The following RNF38 variants were observed in gnomAD, a reference collection of about 807,000 sequenced individuals.
RNF38 encodes ring finger protein 38, also known as E3 ubiquitin-protein ligase RNF38.
RNF38 carries 15 observed loss-of-function variants against 67.2 expected under a neutral mutation model. The observed-to-expected ratio is 0.22, with a 90% CI of 0.15 to 0.34. The LOEUF (loss-of-function observed/expected upper bound fraction) is 0.34. Among genes scored for constraint, RNF38 ranks in the 10% least tolerant of loss-of-function variants. The probability of loss-of-function intolerance (pLI) is 1.00; values close to 1 mark genes in which losing one functional copy is unlikely to be tolerated. For missense variants in RNF38, 524 were observed against 639.9 expected (o/e 0.82, Z 1.95); for synonymous variants, 220 against 218.8 (o/e 1.01, Z -0.05).
At chr9:36,400,884 GC>G (rs1432002944), upstream of RNF38, 2 of 984,128 alleles carry the variant, frequency 2.0e-6, no homozygotes, top group African/African-American at 3.5e-5. Context: ...TAGGGGCCCG[GC>G]CCGGCCACGC....
chr9:36,442,639 G>A (rs1839218237), intron 1 of RNF38, among the ~76,000 whole-genome samples: 1 of 152,144 alleles, frequency 6.6e-6, no homozygotes, highest in Admixed American at 6.6e-5. Flanking sequence ...AATTAGCCGG[G>A]TGTGGTGGCA....
chr9:36,356,165 A>G (rs1834090620), intron 6 of RNF38, 138 bp downstream of exon 6: 2 of 819,944 alleles, frequency 2.4e-6, no homozygotes, highest in Admixed American at 2.4e-5. Flanking sequence ...ATGTTTAAGC[A>G]TGCCATTTAA....
At chr9:36,425,584 A>G (rs543804086) in intron 1 of RNF38, among the ~76,000 whole-genome samples, 1 of 152,100 alleles carries the variant, frequency 6.6e-6, no homozygotes, top group Admixed American at 6.6e-5. Context: ...ATCCCAGCTA[A>G]TAGGGAGGCT....
intron 1 of RNF38, among the ~76,000 whole-genome samples, chr9:36,454,408 C>A (rs1390326362): frequency 2.0e-5 from 3 of 151,992 alleles, no homozygotes; most frequent in Non-Finnish European, 4.4e-5. Flanking sequence ...GGGTTACAGG[C>A]ATGAACCACC....
chr9:36,350,442 A>G (rs1393169476), intron 9 of RNF38, among the ~76,000 whole-genome samples: 2 of 152,246 alleles, frequency 1.3e-5, no homozygotes, highest in African/African-American at 2.4e-5. Flanking sequence ...TGTAGCAAGC[A>G]CTGAAGGACA....
chr9:36,430,331 G>A (rs9407043), intron 1 of RNF38, among the ~76,000 whole-genome samples: 3 of 151,904 alleles, frequency 2.0e-5, no homozygotes, highest in Non-Finnish European at 4.4e-5. Flanking sequence ...CTCAGACTCC[G>A]GAGTAGCTGG....
intron 4 of RNF38, among the ~76,000 whole-genome samples, chr9:36,369,180 TAAATC>T (rs1835187434): frequency 6.6e-6 from 1 of 152,226 alleles, no homozygotes; most frequent in East Asian, 1.9e-4. Context: ...CTACTAATCT[TAAATC>T]AATAATTTCA....
At chr9:36,449,002 T>TA (rs1248808806) in intron 1 of RNF38, among the ~76,000 whole-genome samples, 1 of 151,404 alleles carries the variant, frequency 6.6e-6, no homozygotes, top group Admixed American at 6.6e-5. Flanking sequence ...TCAAAAAAAT[T>TA]AAAAAAGAAA....
intron 4 of RNF38, among the ~76,000 whole-genome samples, chr9:36,361,975 C>T (rs559304388): frequency 6.6e-6 from 1 of 152,306 alleles, no homozygotes; most frequent in East Asian, 1.9e-4. Flanking sequence ...TACTGCTTGG[C>T]TGACACCAAG....
At position 36,398,306 on chromosome 9, in the gene RNF38, C is replaced by T. The variant is rs185041766; in HGVS notation, c.12+1791G>A. On this transcript the variant is annotated intron_variant, in intron 1 of 11. Coordinates refer to ENST00000259605, the MANE Select transcript of RNF38 (RefSeq NM_022781.5). ...TAAGGCAGGCAGGCTCCATGGCAAA[C>T]ACCTGTAGTCCTAGTTACTCAGGAG... Among the ~76,000 whole-genome samples the T allele has an allele frequency of 1.1e-4, 17 of 152,258 alleles. No individual in the cohort carries two copies. The East Asian group carries it at 3.1e-3, about 28-fold the overall frequency.
chr9:36,452,891 T>C (rs1210022489), intron 1 of RNF38, among the ~76,000 whole-genome samples: 1 of 152,172 alleles, frequency 6.6e-6, no homozygotes, highest in Admixed American at 6.6e-5. Flanking sequence ...AATTTTTGTT[T>C]ATTCATCAGC....
chr9:36,449,715 A>C (rs1330408291), intron 1 of RNF38, among the ~76,000 whole-genome samples: 3 of 152,144 alleles, frequency 2.0e-5, no homozygotes, highest in Non-Finnish European at 4.4e-5. Flanking sequence ...GATTACAGGC[A>C]TGAGCCACCG....
chr9:36,367,032 A>G (rs908480300), intron 4 of RNF38, among the ~76,000 whole-genome samples: 1 of 152,206 alleles, frequency 6.6e-6, no homozygotes, highest in Admixed American at 6.5e-5. Context: ...TAGTGACCAG[A>G]TATCCCTGTA....
intron 2 of RNF38, among the ~76,000 whole-genome samples, chr9:36,383,974 G>A (rs1416412129): frequency 6.6e-6 from 1 of 151,952 alleles, no homozygotes; most frequent in Non-Finnish European, 1.5e-5. Context: ...CAAAACACAG[G>A]AACTATAAAT....
At chr9:36,382,865 C>T (rs7847849) in intron 2 of RNF38, among the ~76,000 whole-genome samples, 8,309 of 152,194 alleles carry the variant, frequency 0.055, 700 homozygotes, top group African/African-American at 0.18. Flanking sequence ...GCCTTAATTA[C>T]CTTTAACAAA....
chr9:36,453,709 G>A (rs1016484177), intron 1 of RNF38, among the ~76,000 whole-genome samples: 1 of 152,010 alleles, frequency 6.6e-6, no homozygotes, highest in East Asian at 1.9e-4. Context: ...AAAATTTTTT[G>A]TAAAGATGAG....
intron 1 of RNF38, among the ~76,000 whole-genome samples, chr9:36,482,406 G>A (rs1214368854): frequency 7.2e-6 from 1 of 137,976 alleles, no homozygotes; most frequent in East Asian, 2.2e-4. Context: ...AGGCTGGAGT[G>A]CAGTGGCGTG....
At chr9:36,447,729 T>TAGGA (rs1839342083) in intron 1 of RNF38, among the ~76,000 whole-genome samples, 1 of 152,136 alleles carries the variant, frequency 6.6e-6, no homozygotes, top group South Asian at 2.1e-4. Context: ...AATGTAAACA[T>TAGGA]AGGAAGAATG....
intron 3 of RNF38, among the ~76,000 whole-genome samples, chr9:36,374,843 T>A (rs2133839982): frequency 6.6e-6 from 1 of 152,274 alleles, no homozygotes; most frequent in South Asian, 2.1e-4. Context: ...TCATTTAACG[T>A]TAATTACACT....
Sources: allele counts gnomAD v4.1 joint callset (sites outside exome capture counted in the v4.1 genomes callset), GRCh38; gene constraint gnomAD v4.1.1; transcripts MANE v1.5; gene names NCBI Gene and HGNC (gene_info 2026-07-23, HGNC 2026-07-21).